The following STAC variants were observed in gnomAD, a reference collection of about 807,000 sequenced individuals.
The protein encoded by STAC is SH3 and cysteine rich domain.
Under a neutral mutation model 48.8 loss-of-function variants are expected in STAC, and 43 were observed. The ratio of observed to expected loss-of-function variants is 0.88; its 90% CI spans 0.69 to 1.14. The LOEUF (loss-of-function observed/expected upper bound fraction) is 1.14. Ranked by LOEUF, STAC falls within the 50% of genes most tolerant of loss-of-function variation. The probability of loss-of-function intolerance (pLI) is 0.00; values close to 1 mark genes in which losing one functional copy is unlikely to be tolerated. For missense variants in STAC, 497 were observed against 504.0 expected (o/e 0.99, Z 0.13); for synonymous variants, 193 against 179.5 (o/e 1.07, Z -0.60).
In STAC at chr3:36,484,992, C is replaced by A; in HGVS notation, c.505C>A (p.Arg169Ser). 6.2e-7 allele frequency: 1 copy of A among 1,601,096 alleles called. No homozygotes were observed. The highest frequency in any genetic ancestry group is 1.7e-5 in the Admixed American group (1 of 58,136). The part of the protein sequence containing the change: ...CMGKLPKGFR[R>S]YYSSPLLIHE... ...CTCTCTCCAGCCAAAGGGGTTTCGG[C>A]GTTACTACAGCTCCCCCTTGCTCAT... Residue 169 changes from arginine (R) to serine (S), a missense_variant, in exon 4 of 11, where the codon CGT becomes AGT. Arg to Ser is a moderately radical substitution (Grantham distance 110, BLOSUM62 -1). Coordinates refer to ENST00000273183, the MANE Select transcript of STAC (RefSeq NM_003149.3).
intron 8 of STAC, among the ~76,000 whole-genome samples, chr3:36,515,391 G>T (rs1251416334): frequency 6.6e-6 from 1 of 152,112 alleles, no homozygotes. Context: ...ATGTGCCTGG[G>T]AAAAAGAGAT....
rs561394710 is a variant in STAC at position 36,539,135 on chromosome 3, G to A, written c.1111-7056G>A. On this transcript the variant is annotated intron_variant, in intron 10 of 10. Transcript: ENST00000273183. ...ATTGCTTCTAATACATGTTAGTTTA[G>A]TATTTATTTCCCGGTAGACTTTTCT... Among the ~76,000 whole-genome samples, 18 of 152,198 alleles carry A rather than the reference G, an allele frequency of 1.2e-4. 1 individual carries two copies. The East Asian group carries it at 2.5e-3, about 21-fold the overall frequency.
At chr3:36,429,989 C>G (rs1216587026) in intron 1 of STAC, among the ~76,000 whole-genome samples, 1 of 152,150 alleles carries the variant, frequency 6.6e-6, no homozygotes, top group Non-Finnish European at 1.5e-5. Context: ...GCCTTGGTTA[C>G]TGGTAGAAAA....
At position 36,486,046 on chromosome 3, in the gene STAC, A is replaced by C. The variant is rs1697801501; in HGVS notation, c.572-88A>C. The stretch of plus-strand genomic sequence containing the variant: ...TTCCTCTGCACAGAGCCTGCTTCTC[A>C]GGCGCTGTTCACCCAGGAGATGTGG... On this transcript the variant is annotated intron_variant, in intron 4 of 10. Transcript: ENST00000273183. 6.2e-6 allele frequency: 6 copies of C among 963,726 alleles called. No homozygotes were observed. In the African/African-American group the frequency reaches 8.1e-5, roughly 13 times the overall value. 59.7% of individuals were successfully genotyped at this position (963,726 alleles called of 1,614,324 possible).
chr3:36,493,009 T>C (rs946939636), intron 5 of STAC, 142 bp from the exon 6 acceptor site: 1 of 682,254 alleles, frequency 1.5e-6, no homozygotes, highest in African/African-American at 1.8e-5. Context: ...TTCTCTGAAG[T>C]TAGCCAAACA....
chr3:36,414,902 C>G (rs1210683570), intron 1 of STAC, among the ~76,000 whole-genome samples: 2 of 152,228 alleles, frequency 1.3e-5, no homozygotes, highest in African/African-American at 2.4e-5. Context: ...GGACCCTCAG[C>G]TGCAGGTCTG....
rs1553631466 is a variant in STAC, at chr3:36,398,347, G to GAAAGAAAA, written c.111+17600_111+17601insAAAAGAAA. Among the ~76,000 whole-genome samples, 433 of 131,022 alleles carry GAAAGAAAA rather than the reference G, an allele frequency of 3.3e-3. 10 individuals are homozygous for GAAAGAAAA. The highest frequency in any genetic ancestry group is 8.3e-3 in the Middle Eastern group (2 of 242). 86.0% of individuals were successfully genotyped at this position (131,022 alleles called of 152,430 possible). A position where few individuals can be genotyped will look rare whatever the true frequency, so the allele number is the denominator to read the frequency against. On this transcript the variant is annotated intron_variant, in intron 1 of 10. Transcript: ENST00000273183. ...AGAAAGAAAGAAAGAAAGAAAGAAA[G>GAAAGAAAA]AAAGAAAGAAAGAAAGAAAGAAAAG...
At chr3:36,405,736 T>C (rs1700075831) in intron 1 of STAC, among the ~76,000 whole-genome samples, 1 of 152,240 alleles carries the variant, frequency 6.6e-6, no homozygotes, top group Admixed American at 6.5e-5. Context: ...TTTCTTCTTT[T>C]AGAGACAAGA....
chr3:36,452,364 T>C (rs949852147), intron 2 of STAC, among the ~76,000 whole-genome samples: 8 of 152,218 alleles, frequency 5.3e-5, no homozygotes, highest in African/African-American at 1.4e-4. Context: ...TCTTTCCTTA[T>C]GGCATTGTCT....
intron 6 of STAC, among the ~76,000 whole-genome samples, chr3:36,501,799 A>C (rs1375732446): frequency 6.6e-6 from 1 of 152,220 alleles, no homozygotes; most frequent in Non-Finnish European, 1.5e-5. Context: ...AGCATTCTCC[A>C]ACTCAGTTTA....
Position 36,421,620 on chromosome 3 carries a change from T to C in STAC, c.112-21744T>C, listed in dbSNP as rs143222808. ...CCAGAAGCTCTCTCTTATCTTGTTT[T>C]TGAACAGTGCTTATGCCATAGTCAT... On this transcript the variant is annotated intron_variant, in intron 1 of 10. Coordinates refer to ENST00000273183, the MANE Select transcript of STAC (RefSeq NM_003149.3). Among the ~76,000 whole-genome samples the C allele has an allele frequency of 2.5e-3, 375 of 152,308 alleles. 1 individual carries two copies. The highest frequency in any genetic ancestry group is 8.4e-3 in the African/African-American group (350 of 41,572).
intron 1 of STAC, among the ~76,000 whole-genome samples, chr3:36,397,857 G>A (rs1005516276): frequency 6.6e-6 from 1 of 151,994 alleles, no homozygotes; most frequent in African/African-American, 2.4e-5. Flanking sequence ...GGATTATTTT[G>A]GCAAAGTTTA....
At chr3:36,543,624 T>C (rs537285661) in intron 10 of STAC, among the ~76,000 whole-genome samples, 1 of 152,212 alleles carries the variant, frequency 6.6e-6, no homozygotes, top group Non-Finnish European at 1.5e-5. Context: ...CAAAGGTCTA[T>C]CTTATATATA....
At chr3:36,409,631 ACT>A (rs1186596530) in intron 1 of STAC, 1 of 152,208 alleles carries the variant, frequency 6.6e-6, no homozygotes, top group Non-Finnish European at 1.5e-5. Context: ...GCACAGTGAC[ACT>A]GACTTGAAGA....
intron 1 of STAC, among the ~76,000 whole-genome samples, chr3:36,406,156 C>G (rs1700084549): frequency 6.6e-6 from 1 of 152,202 alleles, no homozygotes; most frequent in Admixed American, 6.5e-5. Context: ...CAGCCCCCTC[C>G]CCACCCAGCA....
intron 1 of STAC, among the ~76,000 whole-genome samples, chr3:36,441,962 G>C (rs1245930902): frequency 1.3e-5 from 2 of 151,946 alleles, no homozygotes; most frequent in Non-Finnish European, 2.9e-5. Flanking sequence ...TTGCCATTGA[G>C]ATGCTTGAGT....
At chr3:36,487,794 G>A (rs1250132957) in intron 5 of STAC, among the ~76,000 whole-genome samples, 15 of 152,074 alleles carry the variant, frequency 9.9e-5, no homozygotes, top group African/African-American at 3.4e-4. Context: ...GTTTCACTTC[G>A]GTAGACATTG....
At chr3:36,424,948 T>C (rs184006895) in intron 1 of STAC, among the ~76,000 whole-genome samples, 1 of 151,980 alleles carries the variant, frequency 6.6e-6, no homozygotes, top group Non-Finnish European at 1.5e-5. Context: ...GAATGACTAA[T>C]AGAAATAGAA....
At chr3:36,387,324 T>C (rs1372146524) in intron 1 of STAC, among the ~76,000 whole-genome samples, 4 of 152,004 alleles carry the variant, frequency 2.6e-5, no homozygotes, top group Non-Finnish European at 5.9e-5. Context: ...TGGTAAAATA[T>C]GCGTAATGTA....
Sources: allele counts gnomAD v4.1 joint callset (sites outside exome capture counted in the v4.1 genomes callset), GRCh38; gene constraint gnomAD v4.1.1; transcripts MANE v1.5; gene names NCBI Gene and HGNC (gene_info 2026-07-23, HGNC 2026-07-21).